The following UTP20 variants were observed in gnomAD, a reference collection of about 807,000 sequenced individuals.
UTP20 encodes the protein small subunit processome component 20 homolog.
In UTP20, 164 loss-of-function variants were observed where a neutral mutation model predicts 329.5. That is an observed-to-expected ratio of 0.50 (90% CI 0.44 to 0.57). UTP20 has a LOEUF of 0.57. Ranked by LOEUF, UTP20 falls within the 20% of genes least tolerant of loss-of-function variation. UTP20 has a pLI of 0.00. For missense variants in UTP20, 3,055 were observed against 3,284.2 expected (o/e 0.93, Z 1.71); for synonymous variants, 1,151 against 1,159.3 (o/e 0.99, Z 0.14).
In UTP20 at chr12:101,293,257, A is replaced by C. The variant is rs747958674; in HGVS notation, c.1251+12A>C. 4 of 1,611,674 alleles carry C rather than the reference A, an allele frequency of 2.5e-6. No individual in the cohort carries two copies. In the East Asian group the frequency reaches 8.9e-5, roughly 36 times the overall value. On this transcript the variant is annotated intron_variant, in intron 11 of 61. Coordinates refer to ENST00000261637, the MANE Select transcript of UTP20 (RefSeq NM_014503.3). The stretch of plus-strand genomic sequence containing the variant: ...AGCAGTTTGAGCAGGTAAGCAAGTT[A>C]CTAAGTTCGGAGTATTTTTAAAAAC...
At chr12:101,318,019 A>G (rs561379465) in intron 22 of UTP20, among the ~76,000 whole-genome samples, 1 of 152,252 alleles carries the variant, frequency 6.6e-6, no homozygotes, top group South Asian at 2.1e-4. Flanking sequence ...ATGCTAGGGG[A>G]ACATGTAATG....
rs2120984556 is a variant in UTP20, at chr12:101,356,910, A to G, written c.5535-16A>G. 3 of 1,598,500 alleles carry G rather than the reference A, an allele frequency of 1.9e-6. No homozygotes were observed. The highest frequency in any genetic ancestry group is 2.2e-5 in the East Asian group (1 of 44,686). On this transcript the variant is annotated splice_polypyrimidine_tract_variant and intron_variant, in intron 42 of 61. Coordinates refer to ENST00000261637, the MANE Select transcript of UTP20 (RefSeq NM_014503.3). ...TGTTTATTTGATTAGTCATTTTTCAACTTCTCATTTTCTAGTATTTTGCTG... is the reference window on the plus strand; with the variant it reads ...TGTTTATTTGATTAGTCATTTTTCAGCTTCTCATTTTCTAGTATTTTGCTG...
rs1365324214 is a variant in UTP20 at position 101,308,238 on chromosome 12, A to G, written c.2049A>G (p.Glu683=). The change falls in exon 18 of 62, where the codon GAA becomes GAG. Residue 683 remains glutamate (E), a synonymous_variant. Transcript: ENST00000261637. ...TCTTTGCTATATTACGCCAGGCAGA[A>G]CTTGTTCCAGCAACTGTGAATGATT... ...QSVFAILRQA[E]LVPATVNDYR... 6.2e-7 allele frequency: 1 copy of G among 1,612,922 alleles called. No individual in the cohort carries two copies. Among genetic ancestry groups the G allele is most frequent in the Non-Finnish European group, 8.5e-7 (1 of 1,179,528 alleles).
intron 12 of UTP20, among the ~76,000 whole-genome samples, chr12:101,298,576 C>T (rs1872431998): frequency 6.6e-6 from 1 of 152,032 alleles, no homozygotes; most frequent in Admixed American, 6.6e-5. Context: ...TACAGGATGA[C>T]TTAAGGAGTA....
intron 32 of UTP20, 90 bp downstream of exon 32, chr12:101,340,700 TTG>T (rs1869094424): frequency 2.5e-6 from 2 of 791,318 alleles, no homozygotes; most frequent in African/African-American, 1.7e-5. Flanking sequence ...TGGCTAGATT[TTG>T]TGATGCATTT....
At chr12:101,281,738 C>G (rs1593414009) in intron 2 of UTP20, among the ~76,000 whole-genome samples, 1 of 152,076 alleles carries the variant, frequency 6.6e-6, no homozygotes, top group East Asian at 1.9e-4. Flanking sequence ...TGGAGTCTCG[C>G]TCCGTCTCCA....
At chr12:101,321,050 C>CGCCGGGCGCGG in intron 24 of UTP20, 113 bp downstream of exon 24, 1 of 900,622 alleles carries the variant, frequency 1.1e-6, no homozygotes. Flanking sequence ...TCCCTTTTTT[C>CGCCGGGCGCGG]TGAGGTCATC....
chr12:101,334,791 G>A (rs546018826), intron 29 of UTP20, among the ~76,000 whole-genome samples: 2 of 152,196 alleles, frequency 1.3e-5, no homozygotes, highest in African/African-American at 4.8e-5. Flanking sequence ...TCTGGACAAC[G>A]TAGTGAGGGC....
In UTP20 at chr12:101,338,051, A is replaced by G. The variant is rs747180221; in HGVS notation, c.3642A>G (p.Arg1214=). 1.2e-6 allele frequency: 2 copies of G among 1,613,962 alleles called. No individual in the cohort carries two copies. Among genetic ancestry groups the G allele is most frequent in the Admixed American group, 1.7e-5 (1 of 59,990 alleles). Residue 1214 remains arginine, a splice_region_variant and synonymous_variant, in exon 30 of 62, where the codon AGA becomes AGG. Coordinates refer to ENST00000261637, the MANE Select transcript of UTP20 (RefSeq NM_014503.3). ...ATTACTACAATGTTTTTTCTTCCAG[A>G]TATTTCCCTTTGCTGGCTAAACAGA... ...KLISIWSRNA[R]YFPLLAKQKP...
Position 101,379,564 on chromosome 12 carries a change from C to T in UTP20, c.7584+6C>T. On this transcript the variant is annotated splice_donor_region_variant and intron_variant, in intron 57 of 61. Transcript: ENST00000261637. ...CCAGTGACCTTGACCAAAAGGTAAG[C>T]TTTCTCTCAAACCTTTTCCTTCCCT... The T allele has an allele frequency of 6.2e-7, 1 of 1,606,244 alleles. No individual in the cohort carries two copies. The highest frequency in any genetic ancestry group is 8.5e-7 in the Non-Finnish European group (1 of 1,175,166).
At chr12:101,361,425 A>G (rs1470720803) in intron 43 of UTP20, among the ~76,000 whole-genome samples, 2 of 151,924 alleles carry the variant, frequency 1.3e-5, no homozygotes, top group East Asian at 3.9e-4. Context: ...GGAGTTCGAG[A>G]TCAGCCTGGC....
chr12:101,383,663 G>C lies in UTP20; in HGVS notation c.8050G>C (p.Glu2684Gln). 6.2e-7 allele frequency: 1 copy of C among 1,603,810 alleles called. No individual in the cohort carries two copies. The highest frequency in any genetic ancestry group is 8.5e-7 in the Non-Finnish European group (1 of 1,174,216). Residue 2684 changes from glutamate to glutamine, a missense_variant, in exon 60 of 62, where the codon GAG becomes CAG. Physicochemically the swap from Glu to Gln is conservative, Grantham distance 29. Coordinates refer to ENST00000261637, the MANE Select transcript of UTP20 (RefSeq NM_014503.3). ...LFRELNSTYSEQDPLLKNLSQ... is the reference protein window; with the variant it reads ...LFRELNSTYSQQDPLLKNLSQ... Reference sequence around the variant, plus strand: ...TCGGGAACTCAACAGCACCTATTCAGAGCAAGGTAACCCTGCCTCGTCTGT... The same window carrying C: ...TCGGGAACTCAACAGCACCTATTCACAGCAAGGTAACCCTGCCTCGTCTGT...
chr12:101,379,673 T>TA, intron 57 of UTP20, 115 bp downstream of exon 57: 1 of 1,142,950 alleles, frequency 8.7e-7, no homozygotes, highest in Non-Finnish European at 1.2e-6. Context: ...AACAATTTGT[T>TA]GTACAGGTGA....
chr12:101,373,861 T>C, intron 54 of UTP20, 94 bp downstream of exon 54: 1 of 1,359,346 alleles, frequency 7.4e-7, no homozygotes, highest in Non-Finnish European at 1.0e-6. Flanking sequence ...GTTGAATTGG[T>C]TTTTTTCCCA....
In UTP20 at chr12:101,375,539, G is replaced by C; in HGVS notation, c.7264-85G>C. 1.4e-6 allele frequency: 2 copies of C among 1,440,808 alleles called. 1 individual carries two copies. The highest frequency in any genetic ancestry group is 2.5e-5 in the South Asian group (2 of 81,324). 89.3% of individuals were successfully genotyped at this position (1,440,808 alleles called of 1,614,324 possible). ...GAGTGCCGAGGGAGGTTCAGAAACG[G>C]GTGGATTGATGTGCTGGAGTAAAAT... is the stretch of plus-strand genomic sequence containing the variant. On this transcript the variant is annotated intron_variant, in intron 55 of 61. Transcript: ENST00000261637.
At chr12:101,290,939 AC>A in intron 8 of UTP20, 51 bp downstream of exon 8, 1 of 1,564,344 alleles carries the variant, frequency 6.4e-7, no homozygotes, top group South Asian at 1.2e-5. Context: ...CTAAGAATTT[AC>A]TGTTTCTGCT....
Position 101,383,270 on chromosome 12 carries a change from T to C in UTP20, c.7886T>C (p.Ile2629Thr), listed in dbSNP as rs559137147. 2.5e-6 allele frequency: 4 copies of C among 1,614,100 alleles called. No homozygotes were observed. The highest frequency in any genetic ancestry group is 3.4e-6 in the Non-Finnish European group (4 of 1,180,024). The change falls in exon 59 of 62, where the codon ATT becomes ACT. Residue 2629 changes from isoleucine (I) to threonine (T), a missense_variant. By Grantham distance (89) the Ile-to-Thr change is moderately conservative. Around this residue, in one of 3 missense-constraint regions of UTP20, gnomAD observed 337 missense variants for 345.5 expected, o/e 0.98. Transcript: ENST00000261637. ...LLWLIQKLSR[I>T]AKLEAAYSPR... is the part of the protein sequence containing the mutation. ...TGGTTGATCCAGAAGCTGTCCCGGA[T>C]TGCAAAACTGGAAGCTGCTTATTCG...
chr12:101,299,639 A>G, intron 12 of UTP20, 43 bp from the exon 13 acceptor site: 9 of 1,516,954 alleles, frequency 5.9e-6, no homozygotes, highest in Non-Finnish European at 8.0e-6. Flanking sequence ...GGCAAGAGCG[A>G]TTACATTCTC....
intron 15 of UTP20, among the ~76,000 whole-genome samples, chr12:101,304,940 C>T (rs949955320): frequency 2.6e-5 from 4 of 152,178 alleles, no homozygotes; most frequent in Non-Finnish European, 5.9e-5. Flanking sequence ...ACAAGCACAC[C>T]TCAGACTGGC....
Sources: allele counts gnomAD v4.1 joint callset (sites outside exome capture counted in the v4.1 genomes callset), GRCh38; gene constraint gnomAD v4.1.1; regional missense constraint gnomAD v4.1.1; transcripts MANE v1.5; gene names NCBI Gene and HGNC (gene_info 2026-07-23, HGNC 2026-07-21).